Variants in THRB observed in about 807,000 individuals in gnomAD.
THRB encodes thyroid hormone receptor beta.
A neutral mutation model predicts 47.8 loss-of-function variants in THRB; 12 were observed. The ratio of observed to expected loss-of-function variants is 0.25; its 90% CI spans 0.16 to 0.41. THRB has a LOEUF of 0.41. Ranked by LOEUF, THRB falls within the 10% of genes least tolerant of loss-of-function variation. The pLI, the probability that THRB is intolerant of heterozygous loss-of-function variation, is 1.00. For missense variants in THRB, 348 were observed against 589.2 expected (o/e 0.59, Z 4.24); for synonymous variants, 218 against 212.2 (o/e 1.03, Z -0.24).
intron 1 of THRB, among the ~76,000 whole-genome samples, chr3:24,389,772 G>A (rs2066419615): frequency 1.3e-5 from 2 of 151,948 alleles, no homozygotes; most frequent in Admixed American, 6.6e-5. Context: ...TCAACTGACA[G>A]AGGATTAAAG....
rs2035752538 is a variant in THRB at position 24,143,788 on chromosome 3, G to A, written c.533-82C>T. ...AGCTGCACTTCCTGGAGCCTCAGGA[G>A]TGGGACCACTGATGCACAGATGGCT... is the stretch of plus-strand genomic sequence containing the variant. On this transcript the variant is annotated intron_variant, in intron 7 of 10. Coordinates refer to ENST00000646209, the MANE Select transcript of THRB (RefSeq NM_001354712.2). 12 of 1,425,948 alleles carry A rather than the reference G, an allele frequency of 8.4e-6. No individual in the cohort carries two copies. In the South Asian group the frequency reaches 1.0e-4, roughly 12 times the overall value. 88.3% of individuals were successfully genotyped at this position (1,425,948 alleles called of 1,614,324 possible).
At chr3:24,322,943 C>T (rs2058578254) in intron 2 of THRB, among the ~76,000 whole-genome samples, 1 of 152,178 alleles carries the variant, frequency 6.6e-6, no homozygotes, top group Non-Finnish European at 1.5e-5. Context: ...TGTATCAGTC[C>T]CAGATCGGTA....
intron 3 of THRB, among the ~76,000 whole-genome samples, chr3:24,283,531 G>C (rs1042942883): frequency 9.9e-5 from 15 of 150,890 alleles, no homozygotes; most frequent in Admixed American, 9.2e-4. Flanking sequence ...CACAAGACAG[G>C]GATGCCCTCT....
At chr3:24,158,444 T>G (rs796859614) in intron 5 of THRB, among the ~76,000 whole-genome samples, 2,657 of 104,214 alleles carry the variant, frequency 0.025, 5 homozygotes, top group African/African-American at 0.06. Flanking sequence ...GGGGGGAGGG[T>G]GGGGGACGAG....
Position 24,123,213 on chromosome 3 carries a change from G to A in THRB, c.1145-88C>T, listed in dbSNP as rs867272425. Reference sequence around the variant, plus strand: ...CAATTCCAGGCCTTTATTGGGGGGCGGGCAGATCTAGGGTCTTCCCTCTTA... The same window carrying A: ...CAATTCCAGGCCTTTATTGGGGGGCAGGCAGATCTAGGGTCTTCCCTCTTA... On this transcript the variant is annotated intron_variant, in intron 10 of 10. Transcript: ENST00000646209. The A allele has an allele frequency of 8.0e-5, 127 of 1,587,392 alleles. 1 individual carries two copies. The South Asian group carries it at 1.2e-3, about 15-fold the overall frequency.
intron 3 of THRB, among the ~76,000 whole-genome samples, chr3:24,274,631 CA>C (rs1449508159): frequency 1.3e-5 from 2 of 151,998 alleles, no homozygotes; most frequent in African/African-American, 4.8e-5. Context: ...TAATCAAAAG[CA>C]ATTATACCTT....
chr3:24,187,966 T>C (rs2042816743), intron 5 of THRB, among the ~76,000 whole-genome samples: 1 of 152,232 alleles, frequency 6.6e-6, no homozygotes. Context: ...CCCTGGTGGT[T>C]ACTCTGGAAA....
rs541246839 is a variant in THRB at position 24,133,852 on chromosome 3, G to A, written c.739-390C>T. ...GCACTGCACATGCTGGTGTGTGTCTGTGTGTGGGAGGTGGGCACACCGTGG... is the reference window on the plus strand; with the variant it reads ...GCACTGCACATGCTGGTGTGTGTCTATGTGTGGGAGGTGGGCACACCGTGG... On this transcript the variant is annotated intron_variant, in intron 8 of 10. Coordinates refer to ENST00000646209, the MANE Select transcript of THRB (RefSeq NM_001354712.2). 9.8e-5 allele frequency among the ~76,000 whole-genome samples: 15 copies of A among 152,296 alleles called. No homozygotes were observed. In the East Asian group the frequency reaches 2.9e-3, roughly 29 times the overall value.
rs62253680 is a variant in THRB at position 24,204,298 on chromosome 3, G to C, written c.23-13964C>G. 5.8e-3 allele frequency among the ~76,000 whole-genome samples: 886 copies of C among 152,368 alleles called. 8 individuals carry two copies. Among genetic ancestry groups the C allele is most frequent in the South Asian group, 0.042 (201 of 4,830 alleles). The stretch of plus-strand genomic sequence containing the variant: ...CTCACATGGCTGGGTAACCCTCTAA[G>C]ACAAAGCTTCCAGAGGAATGATCAG... On this transcript the variant is annotated intron_variant, in intron 4 of 10. Transcript: ENST00000646209.
chr3:24,203,937 A>C (rs2044942008), intron 4 of THRB, among the ~76,000 whole-genome samples: 1 of 152,244 alleles, frequency 6.6e-6, no homozygotes, highest in African/African-American at 2.4e-5. Flanking sequence ...ATCAAACTGC[A>C]AGGTGGCAGC....
At chr3:24,477,970 C>T (rs1442281322) in intron 1 of THRB, among the ~76,000 whole-genome samples, 1 of 150,066 alleles carries the variant, frequency 6.7e-6, no homozygotes, top group East Asian at 2.0e-4. Context: ...AGGATCCAAA[C>T]AAAGAGTGTG....
At chr3:24,219,782 G>A (rs1265839824) in intron 4 of THRB, among the ~76,000 whole-genome samples, 2 of 152,118 alleles carry the variant, frequency 1.3e-5, no homozygotes, top group African/African-American at 2.4e-5. Context: ...AGCTAATTAG[G>A]CACAAGAAAA....
chr3:24,160,569 CTGA>C (rs373253689), intron 5 of THRB, among the ~76,000 whole-genome samples: 59 of 152,168 alleles, frequency 3.9e-4, no homozygotes, highest in African/African-American at 1.3e-3. Flanking sequence ...ACCGAGGGAG[CTGA>C]TGAGAGGGAA....
chr3:24,128,889 T>TTTTTTTTTTTA (rs2033373342), intron 9 of THRB, among the ~76,000 whole-genome samples: 1 of 146,298 alleles, frequency 6.8e-6, no homozygotes. Flanking sequence ...TTTTTTTTTT[T>TTTTTTTTTTTA]ACCATGGATA....
intron 1 of THRB, chr3:24,430,166 G>A (rs1312341487): frequency 6.6e-6 from 1 of 152,072 alleles, no homozygotes; most frequent in Non-Finnish European, 1.5e-5. Context: ...CTCAGGAACT[G>A]GCTGACCTGG....
At chr3:24,284,645 A>C (rs1357348744) in intron 3 of THRB, among the ~76,000 whole-genome samples, 1 of 149,694 alleles carries the variant, frequency 6.7e-6, no homozygotes, top group Non-Finnish European at 1.5e-5. Flanking sequence ...TGAACAGGCA[A>C]CCTACAGAAT....
chr3:24,139,358 TTTTCTTTC>T (rs373440617), intron 8 of THRB, among the ~76,000 whole-genome samples: 2 of 151,370 alleles, frequency 1.3e-5, no homozygotes, highest in African/African-American at 2.4e-5. Context: ...CTCTGTTTCT[TTTTCTTTC>T]TTTCTTTCTT....
intron 2 of THRB, among the ~76,000 whole-genome samples, chr3:24,309,070 A>G (rs2057560392): frequency 6.6e-6 from 1 of 152,182 alleles, no homozygotes; most frequent in Admixed American, 6.5e-5. Flanking sequence ...TAGCTGGAAT[A>G]CTGCTTCATC....
intron 1 of THRB, among the ~76,000 whole-genome samples, chr3:24,354,152 C>G (rs1475824832): frequency 6.6e-6 from 1 of 152,060 alleles, no homozygotes; most frequent in African/African-American, 2.4e-5. Flanking sequence ...CGTGTTCTCA[C>G]TTATAAGTAG....
Sources: allele counts gnomAD v4.1 joint callset (sites outside exome capture counted in the v4.1 genomes callset), GRCh38; gene constraint gnomAD v4.1.1; transcripts MANE v1.5; gene names NCBI Gene and HGNC (gene_info 2026-07-23, HGNC 2026-07-21).